The following EFCAB3 variants were observed in gnomAD, a reference collection of about 807,000 sequenced individuals.
EFCAB3 encodes the protein EF-hand calcium-binding domain-containing protein 3.
In EFCAB3, 36 loss-of-function variants were observed where a neutral mutation model predicts 42.2. The observed-to-expected ratio is 0.85, with a 90% confidence interval of 0.65 to 1.13. The LOEUF (loss-of-function observed/expected upper bound fraction) is 1.13, where lower values mean the gene tolerates loss of function less well. Ranked by LOEUF, EFCAB3 falls within the 50% of genes most tolerant of loss-of-function variation. The pLI is 0.00. For missense variants in EFCAB3, 418 were observed against 505.1 expected (o/e 0.83, Z 1.65); for synonymous variants, 170 against 172.8 (o/e 0.98, Z 0.13).
At chr17:62,385,886 A>ATT (rs58217905) in intron 2 of EFCAB3, among the ~76,000 whole-genome samples, 9,567 of 141,052 alleles carry the variant, frequency 0.068, 855 homozygotes, top group East Asian at 0.45. Flanking sequence ...TGCCCGGCTA[A>ATT]TTTTTTTTTT....
intron 6 of EFCAB3, among the ~76,000 whole-genome samples, chr17:62,400,572 G>A (rs188353706): frequency 6.6e-6 from 1 of 152,112 alleles, no homozygotes; most frequent in Non-Finnish European, 1.5e-5. Flanking sequence ...CCTTTTTCGT[G>A]GCTGCATAAT....
chr17:62,391,972 C>A lies in EFCAB3; in HGVS notation c.295+7C>A. 2 of 1,582,040 alleles carry A rather than the reference C, an allele frequency of 1.3e-6. No individual in the cohort carries two copies. The highest frequency in any genetic ancestry group is 1.7e-5 in the Admixed American group (1 of 57,894). Reference sequence around the variant, plus strand: ...AAATGTGCTGATATTGATCGTGAGTCCTTTGGCTTCTCATTGTTTTTCTCA... The same window carrying A: ...AAATGTGCTGATATTGATCGTGAGTACTTTGGCTTCTCATTGTTTTTCTCA... On this transcript the variant is annotated splice_region_variant and intron_variant, in intron 4 of 9. Coordinates refer to ENST00000305286, the MANE Select transcript of EFCAB3 (RefSeq NM_173503.4).
At chr17:62,376,000 T>G (rs1212887064), upstream of EFCAB3, among the ~76,000 whole-genome samples, 1 of 152,190 alleles carries the variant, frequency 6.6e-6, no homozygotes, top group Non-Finnish European at 1.5e-5. Context: ...CGCCCACATG[T>G]TTTCTTCACT....
chr17:62,395,952 T>C (rs2070344990), intron 6 of EFCAB3, among the ~76,000 whole-genome samples: 1 of 152,206 alleles, frequency 6.6e-6, no homozygotes, highest in African/African-American at 2.4e-5. Context: ...AGTCTCTTTA[T>C]ACTCTCCTGT....
chr17:62,397,614 G>A (rs1350775953), intron 6 of EFCAB3: 2 of 607,210 alleles, frequency 3.3e-6, no homozygotes, highest in Admixed American at 3.9e-5. Context: ...ATCAGGAAGT[G>A]TGCCAGCATC....
intron 2 of EFCAB3, among the ~76,000 whole-genome samples, chr17:62,374,803 CCTGA>C (rs1326626176): frequency 6.6e-6 from 1 of 152,186 alleles, no homozygotes; most frequent in Non-Finnish European, 1.5e-5. Context: ...TCTCTGCAAG[CCTGA>C]CTGTGTTTCA....
chr17:62,384,564 G>C (rs1243232802), intron 2 of EFCAB3, among the ~76,000 whole-genome samples: 1 of 152,176 alleles, frequency 6.6e-6, no homozygotes, highest in Admixed American at 6.5e-5. Context: ...AGGGTGAGCT[G>C]AGATCGCACC....
At chr17:62,386,776 G>A (rs562906884) in intron 2 of EFCAB3, among the ~76,000 whole-genome samples, 23 of 151,408 alleles carry the variant, frequency 1.5e-4, no homozygotes, top group African/African-American at 4.8e-4. Flanking sequence ...GGGGGAAATC[G>A]TAACTGGTTT....
intron 6 of EFCAB3, chr17:62,397,536 G>A: frequency 1.8e-6 from 1 of 571,262 alleles, no homozygotes; most frequent in Admixed American, 2.0e-5. Flanking sequence ...TGCATGAGAG[G>A]TGCTTCTCAT....
At chr17:62,379,564 A>G (rs1044972228), upstream of EFCAB3, among the ~76,000 whole-genome samples, 1 of 152,142 alleles carries the variant, frequency 6.6e-6, no homozygotes, top group African/African-American at 2.4e-5. Flanking sequence ...ACCAAGCTTA[A>G]AAAGATTAGG....
chr17:62,396,317 G>C (rs539489412), intron 6 of EFCAB3, among the ~76,000 whole-genome samples: 1 of 152,270 alleles, frequency 6.6e-6, no homozygotes, highest in East Asian at 1.9e-4. Context: ...CACTTAGGGA[G>C]GCTGAGGCAG....
chr17:62,402,221 C>A (rs1258725610), intron 6 of EFCAB3, among the ~76,000 whole-genome samples: 1 of 152,186 alleles, frequency 6.6e-6, no homozygotes, highest in Non-Finnish European at 1.5e-5. Context: ...AATATGCAAT[C>A]ATATCATCTG....
chr17:62,391,742 A>G lies in EFCAB3; in HGVS notation c.152-80A>G, dbSNP rs556351253. On this transcript the variant is annotated intron_variant, in intron 3 of 9. Coordinates refer to ENST00000305286, the MANE Select transcript of EFCAB3 (RefSeq NM_173503.4). ...TTTAGAACATGATCTCCAGTCAACT[A>G]TATTGTCTGTCCTAGTCCTATTAGT... 7.4e-5 allele frequency: 102 copies of G among 1,372,286 alleles called. No homozygotes were observed. The South Asian group carries it at 1.5e-3, about 21-fold the overall frequency. 85.0% of individuals were successfully genotyped at this position (1,372,286 alleles called of 1,614,324 possible). A position where few individuals can be genotyped will look rare whatever the true frequency, so the allele number is the denominator to read the frequency against.
chr17:62,374,365 G>A lies in EFCAB3; in HGVS notation c.88+498G>A, dbSNP rs569119802. 5.9e-5 allele frequency among the ~76,000 whole-genome samples: 9 copies of A among 152,244 alleles called. No individual in the cohort carries two copies. In the East Asian group the frequency reaches 1.4e-3, roughly 23 times the overall value. ...AGTCCCAGCTACTCGGGAGGCTGAGGCAGGAGAATCGCTTGAACCTGGAAG... is the reference window on the plus strand; with the variant it reads ...AGTCCCAGCTACTCGGGAGGCTGAGACAGGAGAATCGCTTGAACCTGGAAG... On this transcript the variant is annotated intron_variant, in intron 2 of 11. Coordinates refer to the EFCAB3 transcript ENST00000450662.
At chr17:62,401,515 A>T (rs1279331103) in intron 6 of EFCAB3, among the ~76,000 whole-genome samples, 1 of 152,156 alleles carries the variant, frequency 6.6e-6, no homozygotes, top group Non-Finnish European at 1.5e-5. Flanking sequence ...ATGGCTAGCC[A>T]GTTTTCCCAG....
intron 1 of EFCAB3, among the ~76,000 whole-genome samples, chr17:62,382,508 T>C (rs2144059654): frequency 6.6e-6 from 1 of 152,342 alleles, no homozygotes; most frequent in Non-Finnish European, 1.5e-5. Context: ...TTATTACCTG[T>C]AGTCACCATG....
upstream of EFCAB3, among the ~76,000 whole-genome samples, chr17:62,378,502 A>G (rs1327556915): frequency 2.6e-5 from 4 of 152,126 alleles, no homozygotes; most frequent in Non-Finnish European, 5.9e-5. Context: ...CTATGAGTCC[A>G]GCCTGGGAAA....
rs2070450301 is a variant in EFCAB3 at position 62,406,595 on chromosome 17, A to G, written c.604A>G (p.Met202Val). The G allele has an allele frequency of 2.5e-6, 4 of 1,614,014 alleles. No individual in the cohort carries two copies. Among genetic ancestry groups the G allele is most frequent in the Non-Finnish European group, 3.4e-6 (4 of 1,180,020 alleles). The change falls in exon 7 of 10, where the codon ATG (methionine) becomes GTG (valine). Residue 202 changes from methionine to valine, a missense_variant. Physicochemically the swap from Met to Val is conservative, Grantham distance 21 (BLOSUM62 1). Transcript: ENST00000305286. ...CATATGCACACCTCCAAGCTCAAGC[A>G]TGGCTGCCTTTGCTAATGCTGCCCG... is the stretch of plus-strand genomic sequence containing the variant. ...PDICTPPSSSMAAFANAARIA... is the reference protein window; with the variant it reads ...PDICTPPSSSVAAFANAARIA...
At chr17:62,381,007 T>C (rs1043976141) in intron 1 of EFCAB3, among the ~76,000 whole-genome samples, 4 of 152,190 alleles carry the variant, frequency 2.6e-5, no homozygotes, top group Non-Finnish European at 5.9e-5. Context: ...ATTTTTTTAT[T>C]ATTATTATAC....
Sources: gnomAD v4.1 joint callset for allele counts (sites outside exome capture counted in the v4.1 genomes callset) on GRCh38, gnomAD v4.1.1 for gene constraint, MANE v1.5 for transcripts, NCBI Gene and HGNC (gene_info 2026-07-23, HGNC 2026-07-21) for gene names.